The following CCDC91 variants were observed in gnomAD, a reference collection of about 807,000 sequenced individuals.
CCDC91 encodes the protein coiled-coil domain-containing protein 91.
Under a neutral mutation model 63.2 loss-of-function variants are expected in CCDC91, and 48 were observed. The ratio of observed to expected loss-of-function variants is 0.76; its 90% CI spans 0.60 to 0.97. The LOEUF (loss-of-function observed/expected upper bound fraction) is 0.97, where lower values mean the gene tolerates loss of function less well. Ranked by LOEUF, CCDC91 falls within the 50% of genes least tolerant of loss-of-function variation. CCDC91 has a pLI of 0.00. For synonymous variants in CCDC91, 167 were observed against 165.8 expected (o/e 1.01, Z -0.06); for missense variants, 500 against 494.6 (o/e 1.01, Z -0.10).
intron 3 of CCDC91, among the ~76,000 whole-genome samples, chr12:28,287,386 T>C (rs1164188377): frequency 3.3e-5 from 5 of 152,196 alleles, no homozygotes. Context: ...AATTTTTGTA[T>C]ATAGTGTAAG....
At chr12:28,201,059 C>T (rs1238680827) in intron 1 of CCDC91, among the ~76,000 whole-genome samples, 3 of 149,280 alleles carry the variant, frequency 2.0e-5, no homozygotes, top group African/African-American at 7.4e-5. Context: ...GGGCTCCTCA[C>T]TTCCCAGTAG....
chr12:28,280,814 T>TG, intron 3 of CCDC91, among the ~76,000 whole-genome samples: 1 of 118,506 alleles, frequency 8.4e-6, no homozygotes, highest in Non-Finnish European at 1.9e-5. Flanking sequence ...CCGCGTTTCT[T>TG]TAAAAAAAAA....
At chr12:28,384,099 A>G (rs1320846174) in intron 7 of CCDC91, among the ~76,000 whole-genome samples, 1 of 152,128 alleles carries the variant, frequency 6.6e-6, no homozygotes, top group Non-Finnish European at 1.5e-5. Flanking sequence ...ATTTGCCATC[A>G]TTTGGATACT....
chr12:28,348,281 G>T (rs1475781136), intron 6 of CCDC91, among the ~76,000 whole-genome samples: 1 of 152,178 alleles, frequency 6.6e-6, no homozygotes. Context: ...ATAGCCATCT[G>T]CAGCCTCTGT....
At chr12:28,392,678 T>C (rs2139325854) in intron 8 of CCDC91, among the ~76,000 whole-genome samples, 1 of 152,318 alleles carries the variant, frequency 6.6e-6, no homozygotes, top group East Asian at 1.9e-4. Context: ...GTTCACCAAA[T>C]AGTCAAAGTC....
intron 12 of CCDC91, among the ~76,000 whole-genome samples, chr12:28,533,804 T>C (rs1332639785): frequency 6.6e-6 from 1 of 152,078 alleles, no homozygotes; most frequent in Non-Finnish European, 1.5e-5. Context: ...TGCTGCAATT[T>C]TTTTTCAAGC....
At chr12:28,276,205 G>A (rs1160953494) in intron 3 of CCDC91, among the ~76,000 whole-genome samples, 1 of 151,892 alleles carries the variant, frequency 6.6e-6, no homozygotes, top group African/African-American at 2.4e-5. Flanking sequence ...TTGTATGTAT[G>A]TATGTTTGTG....
At chr12:28,403,413 G>A (rs1396380774) in intron 8 of CCDC91, among the ~76,000 whole-genome samples, 1 of 152,090 alleles carries the variant, frequency 6.6e-6, no homozygotes, top group Non-Finnish European at 1.5e-5. Flanking sequence ...CAAGGTACCT[G>A]CAGATTTGGT....
intron 1 of CCDC91, among the ~76,000 whole-genome samples, chr12:28,218,545 T>C (rs1331073024): frequency 6.6e-6 from 1 of 152,136 alleles, no homozygotes; most frequent in African/African-American, 2.4e-5. Context: ...TACCATATTA[T>C]ATGGAATATT....
intron 8 of CCDC91, among the ~76,000 whole-genome samples, chr12:28,418,541 G>A (rs1947813530): frequency 1.3e-5 from 2 of 152,018 alleles, no homozygotes; most frequent in South Asian, 4.1e-4. Context: ...GAGATATAAT[G>A]TGCCTTAATT....
intron 8 of CCDC91, among the ~76,000 whole-genome samples, chr12:28,404,425 A>G (rs1275709134): frequency 5.3e-5 from 8 of 151,962 alleles, no homozygotes; most frequent in South Asian, 2.1e-4. Context: ...AATTTGGTCT[A>G]TGTTAGAAAA....
At chr12:28,430,394 A>T (rs1948566720) in intron 8 of CCDC91, among the ~76,000 whole-genome samples, 1 of 152,092 alleles carries the variant, frequency 6.6e-6, no homozygotes, top group Admixed American at 6.6e-5. Context: ...AATCAGATAT[A>T]TTCACTGCCC....
chr12:28,483,303 G>A (rs1164194066), intron 11 of CCDC91, among the ~76,000 whole-genome samples: 2 of 152,006 alleles, frequency 1.3e-5, no homozygotes, highest in South Asian at 2.1e-4. Flanking sequence ...ATAAAAAAGG[G>A]TGGTACCTAT....
At chr12:28,335,257 CATATAATATATAATATATAATACATATT>C (rs1941855830) in intron 6 of CCDC91, among the ~76,000 whole-genome samples, 2 of 129,614 alleles carry the variant, frequency 1.5e-5, no homozygotes, top group Admixed American at 8.4e-5. Context: ...ATATATAATA[CATATAATATATAATATATAATACATATT>C]ATATATAATA....
chr12:28,453,658 T>G (rs1949923409), intron 11 of CCDC91, among the ~76,000 whole-genome samples: 1 of 151,864 alleles, frequency 6.6e-6, no homozygotes, highest in African/African-American at 2.4e-5. Flanking sequence ...TTTTCTTGCG[T>G]TTTTTCACTA....
chr12:28,328,551 G>A (rs1957671526), intron 6 of CCDC91, among the ~76,000 whole-genome samples: 1 of 152,138 alleles, frequency 6.6e-6, no homozygotes, highest in South Asian at 2.1e-4. Flanking sequence ...TCCTTGCATA[G>A]TGGAAGTTGT....
intron 12 of CCDC91, among the ~76,000 whole-genome samples, chr12:28,486,977 T>C (rs1951759915): frequency 1.3e-5 from 2 of 152,034 alleles, no homozygotes; most frequent in Admixed American, 1.3e-4. Flanking sequence ...ATATGTGTTA[T>C]GCTTATCATC....
At chr12:28,368,154 TA>T (rs1701756607) in intron 7 of CCDC91, among the ~76,000 whole-genome samples, 1 of 152,170 alleles carries the variant, frequency 6.6e-6, no homozygotes, top group South Asian at 2.1e-4. Context: ...TGAAAATCTT[TA>T]AAGCAGCCAG....
In CCDC91 at chr12:28,447,611, G is replaced by T. The variant is rs115855829; in HGVS notation, c.763-2550G>T. Among the ~76,000 whole-genome samples, 1,189 of 149,436 alleles carry T rather than the reference G, an allele frequency of 8.0e-3. 16 individuals are homozygous for T. Among genetic ancestry groups the T allele is most frequent in the African/African-American group, 0.028 (1,146 of 40,338 alleles). On this transcript the variant is annotated intron_variant, in intron 8 of 12. Coordinates refer to ENST00000536442, the MANE Select transcript of CCDC91 (RefSeq NM_018318.5). Reference sequence around the variant, plus strand: ...TCATCCTGTAATCCCAGCACTTTGGGAAGCTAAGGTGGGAGGATCACATGA... The same window carrying T: ...TCATCCTGTAATCCCAGCACTTTGGTAAGCTAAGGTGGGAGGATCACATGA...
Sources: gnomAD v4.1 joint callset for allele counts (sites outside exome capture counted in the v4.1 genomes callset) on GRCh38, gnomAD v4.1.1 for gene constraint, MANE v1.5 for transcripts, NCBI Gene and HGNC (gene_info 2026-07-23, HGNC 2026-07-21) for gene names.